CNOT6: variants seen among roughly 807,000 people sequenced by gnomAD.
CNOT6 encodes carbon catabolite repression 4 protein.
A neutral mutation model predicts 61.2 loss-of-function variants in CNOT6; 12 were observed. That is an observed-to-expected ratio of 0.20 (90% CI 0.13 to 0.32). The LOEUF (loss-of-function observed/expected upper bound fraction) is 0.32. CNOT6 is among the 10% of genes least tolerant of loss of function. CNOT6 has a pLI of 1.00. For missense variants in CNOT6, 405 were observed against 663.9 expected (o/e 0.61, Z 4.28); for synonymous variants, 225 against 240.6 (o/e 0.94, Z 0.60).
chr5:180,554,188 T>C (rs1165598864), intron 4 of CNOT6, among the ~76,000 whole-genome samples: 5 of 151,918 alleles, frequency 3.3e-5, no homozygotes, highest in African/African-American at 1.2e-4. Context: ...GAGGCTGAGG[T>C]GGGTGGATAT....
At position 180,565,893 on chromosome 5, in the gene CNOT6, AT is replaced by A; in HGVS notation, c.634del (p.Ser212HisfsTer4). 1 of 1,613,988 alleles carries A rather than the reference AT, an allele frequency of 6.2e-7. No individual in the cohort carries two copies. Among genetic ancestry groups the A allele is most frequent in the Non-Finnish European group, 8.5e-7 (1 of 1,179,894 alleles). Reference sequence around the variant, plus strand: ...CCCGGCAGTTATACGGCTACTGTCCATCATGGGCGCTAAACTGGGACTACAG... The same window carrying A: ...CCCGGCAGTTATACGGCTACTGTCCACATGGGCGCTAAACTGGGACTACAG... The part of the protein sequence containing the change: ...ATRQLYGYCP[S>X]WALNWDYRKK... On this transcript the variant is annotated frameshift_variant, in exon 7 of 12. Coordinates refer to ENST00000261951, the MANE Select transcript of CNOT6 (RefSeq NM_001370472.1). LOFTEE classifies it high-confidence loss of function.
chr5:180,571,454 C>T (rs13164597), intron 11 of CNOT6, 22 bp downstream of exon 11: 829,811 of 1,583,646 alleles, frequency 0.52, 223,045 homozygotes, highest in Non-Finnish European at 0.56. Context: ...GACTGATAAG[C>T]TTTTCAAACC....
chr5:180,507,786 G>T (rs1019887291), intron 1 of CNOT6, among the ~76,000 whole-genome samples: 3 of 130,572 alleles, frequency 2.3e-5, no homozygotes, highest in African/African-American at 5.4e-5. Context: ...AACGTGGCTG[G>T]GGAGGCCTCA....
intron 2 of CNOT6, among the ~76,000 whole-genome samples, chr5:180,541,758 A>AT (rs541354980): frequency 1.4e-3 from 206 of 143,264 alleles, no homozygotes; most frequent in East Asian, 2.6e-3. Context: ...GGCCAGAGAA[A>AT]TTTTTTTTTT....
intron 2 of CNOT6, among the ~76,000 whole-genome samples, chr5:180,548,251 T>C (rs1233039911): frequency 2.0e-5 from 3 of 152,190 alleles, no homozygotes; most frequent in Admixed American, 1.3e-4. Flanking sequence ...GCTGTACCCA[T>C]TTAGCAGTCC....
chr5:180,535,948 T>C (rs1758664563), intron 2 of CNOT6, among the ~76,000 whole-genome samples: 1 of 151,958 alleles, frequency 6.6e-6, no homozygotes, highest in Admixed American at 6.6e-5. Context: ...AATTTGTCTT[T>C]TGAAAAATAT....
chr5:180,546,392 C>T (rs868224924), intron 2 of CNOT6, among the ~76,000 whole-genome samples: 20 of 151,708 alleles, frequency 1.3e-4, no homozygotes, highest in Admixed American at 1.1e-3. Flanking sequence ...TCCATTTTAC[C>T]TCCTTTGTTT....
chr5:180,522,090 G>T (rs551007350), intron 1 of CNOT6, among the ~76,000 whole-genome samples: 1 of 152,158 alleles, frequency 6.6e-6, no homozygotes, highest in Non-Finnish European at 1.5e-5. Flanking sequence ...GGTAGTTCTG[G>T]TTTTTTATTT....
At chr5:180,531,357 C>T (rs1279443110) in intron 2 of CNOT6, among the ~76,000 whole-genome samples, 12 of 151,848 alleles carry the variant, frequency 7.9e-5, no homozygotes, top group East Asian at 1.9e-4. Context: ...GGGTCACGGC[C>T]GGGCAGAGGC....
Position 180,571,450 on chromosome 5 carries a change from T to A in CNOT6, c.1461+18T>A, listed in dbSNP as rs1321228675. ...ATTTCAAGGTGTGTCTTGAGACTGATAAGCTTTTCAAACCTGTCTTTTACT... is the reference window on the plus strand; with the variant it reads ...ATTTCAAGGTGTGTCTTGAGACTGAAAAGCTTTTCAAACCTGTCTTTTACT... On this transcript the variant is annotated intron_variant, in intron 11 of 11. Transcript: ENST00000261951. 6.3e-7 allele frequency: 1 copy of A among 1,594,534 alleles called. No homozygotes were observed. Among genetic ancestry groups the A allele is most frequent in the Non-Finnish European group, 8.6e-7 (1 of 1,162,642 alleles).
chr5:180,522,013 C>T (rs866224972), intron 1 of CNOT6, among the ~76,000 whole-genome samples: 2 of 152,156 alleles, frequency 1.3e-5, no homozygotes, highest in Non-Finnish European at 2.9e-5. Flanking sequence ...AGTGCATGTA[C>T]CTTTTTTGTA....
intron 2 of CNOT6, among the ~76,000 whole-genome samples, chr5:180,538,535 A>C (rs558436098): frequency 6.6e-6 from 1 of 151,282 alleles, no homozygotes; most frequent in Admixed American, 6.6e-5. Context: ...AAATACAAAA[A>C]AAATTTGCCG....
intron 1 of CNOT6, among the ~76,000 whole-genome samples, chr5:180,505,339 T>A (rs1231897505): frequency 8.7e-6 from 1 of 115,368 alleles, no homozygotes; most frequent in Non-Finnish European, 1.7e-5. Flanking sequence ...CACTGCAAGC[T>A]CCACCTCCCA....
At chr5:180,506,011 C>G (rs1285476377) in intron 1 of CNOT6, among the ~76,000 whole-genome samples, 5 of 152,086 alleles carry the variant, frequency 3.3e-5, no homozygotes, top group South Asian at 4.1e-4. Context: ...GGCTCATGAT[C>G]CCAGCAACAT....
chr5:180,552,541 G>A (rs1759669430), intron 3 of CNOT6, among the ~76,000 whole-genome samples: 1 of 151,844 alleles, frequency 6.6e-6, no homozygotes, highest in Non-Finnish European at 1.5e-5. Context: ...AGTTACTCGG[G>A]AGGCTGAGGC....
At chr5:180,554,517 G>GTT (rs11391000) in intron 4 of CNOT6, among the ~76,000 whole-genome samples, 2,841 of 151,424 alleles carry the variant, frequency 0.019, 73 homozygotes, top group African/African-American at 0.062. Flanking sequence ...TAAAAGAACA[G>GTT]TTTTTTTTAA....
chr5:180,557,787 A>C (rs1759972420), intron 4 of CNOT6, among the ~76,000 whole-genome samples: 1 of 152,172 alleles, frequency 6.6e-6, no homozygotes, highest in African/African-American at 2.4e-5. Flanking sequence ...TCTAAGTCCC[A>C]AAGATTTTCC....
chr5:180,521,684 C>T (rs895956027), intron 1 of CNOT6, among the ~76,000 whole-genome samples: 6 of 152,184 alleles, frequency 3.9e-5, no homozygotes, highest in Admixed American at 1.3e-4. Flanking sequence ...AGTACATTCT[C>T]AGCCCTTGCA....
At chr5:180,508,566 T>G (rs1446873447) in intron 1 of CNOT6, among the ~76,000 whole-genome samples, 1 of 152,164 alleles carries the variant, frequency 6.6e-6, no homozygotes, top group Non-Finnish European at 1.5e-5. Flanking sequence ...TGCCTCAGCC[T>G]CCCAAAGTGC....
Sources: allele counts gnomAD v4.1 joint callset (sites outside exome capture counted in the v4.1 genomes callset), GRCh38; gene constraint gnomAD v4.1.1; transcripts MANE v1.5; gene names NCBI Gene and HGNC (gene_info 2026-07-23, HGNC 2026-07-21).